The following ZDHHC2 variants were observed in gnomAD, a reference collection of about 807,000 sequenced individuals.
ZDHHC2 encodes zDHHC palmitoyltransferase 2, also known as palmitoyltransferase ZDHHC2.
Under a neutral mutation model 55.6 loss-of-function variants are expected in ZDHHC2, and 51 were observed. The observed-to-expected ratio is 0.92, with a 90% CI of 0.73 to 1.16. The LOEUF is 1.16. Ranked by LOEUF, ZDHHC2 falls within the 50% of genes most tolerant of loss-of-function variation. The pLI is 0.00. For missense variants in ZDHHC2, 491 were observed against 442.4 expected (o/e 1.11, Z -0.99); for synonymous variants, 199 against 152.9 (o/e 1.30, Z -2.22).
intron 6 of ZDHHC2, among the ~76,000 whole-genome samples, chr8:17,201,787 C>T (rs573090564): frequency 8.2e-4 from 125 of 151,908 alleles, no homozygotes; most frequent in South Asian, 1.9e-3. Context: ...TGAGCCAACG[C>T]GCCCGGCCAG....
At position 17,222,359 on chromosome 8, in the gene ZDHHC2, CTAAA is replaced by C. The variant is rs916006308; in HGVS notation, c.*2145_*2148del. 5.9e-5 allele frequency: 9 copies of C among 151,300 alleles called. No homozygotes were observed. Among genetic ancestry groups the C allele is most frequent in the Admixed American group, 1.3e-4 (2 of 15,168 alleles). 9.4% of individuals were successfully genotyped at this position (151,300 alleles called of 1,614,324 possible). On this transcript the variant is annotated 3_prime_UTR_variant, in exon 13 of 13. Coordinates refer to ENST00000262096, the MANE Select transcript of ZDHHC2 (RefSeq NM_016353.5). ...TAAATTTATCTGAGTGAACAAAGTGCTAAATAAATAGATCTACATTTTGTACATA... is the reference window on the plus strand; with the variant it reads ...TAAATTTATCTGAGTGAACAAAGTGCTAAATAGATCTACATTTTGTACATA...
At chr8:17,170,213 A>G (rs1048759879) in intron 1 of ZDHHC2, among the ~76,000 whole-genome samples, 1 of 152,230 alleles carries the variant, frequency 6.6e-6, no homozygotes, top group Non-Finnish European at 1.5e-5. Context: ...GTGAAGTTAC[A>G]GAAGAAAATA....
At chr8:17,216,670 T>G (rs1456886172) in intron 11 of ZDHHC2, among the ~76,000 whole-genome samples, 1 of 152,194 alleles carries the variant, frequency 6.6e-6, no homozygotes, top group Non-Finnish European at 1.5e-5. Context: ...AAAATAGCAG[T>G]GGTTTCTTGA....
chr8:17,193,816 C>G (rs564478379), intron 3 of ZDHHC2, among the ~76,000 whole-genome samples: 1 of 152,186 alleles, frequency 6.6e-6, no homozygotes, highest in East Asian at 1.9e-4. Flanking sequence ...ATGTCCAGAA[C>G]GTGGAGGTTT....
At chr8:17,165,890 G>A (rs1048578520) in intron 1 of ZDHHC2, among the ~76,000 whole-genome samples, 3 of 152,154 alleles carry the variant, frequency 2.0e-5, no homozygotes, top group African/African-American at 4.8e-5. Flanking sequence ...ATATATCTCC[G>A]GCCAGGGGAG....
intron 1 of ZDHHC2, among the ~76,000 whole-genome samples, chr8:17,179,496 A>G (rs1805326116): frequency 6.6e-6 from 1 of 152,140 alleles, no homozygotes; most frequent in Non-Finnish European, 1.5e-5. Flanking sequence ...GCAGCCTTGA[A>G]CTACTGGGCT....
At chr8:17,168,699 G>A (rs142591570) in intron 1 of ZDHHC2, among the ~76,000 whole-genome samples, 70 of 151,368 alleles carry the variant, frequency 4.6e-4, no homozygotes, top group African/African-American at 1.7e-3. Context: ...TTCTGCCTCC[G>A]TGAGTCCAAC....
chr8:17,180,738 G>T (rs1274810579), intron 1 of ZDHHC2, among the ~76,000 whole-genome samples: 1 of 152,176 alleles, frequency 6.6e-6, no homozygotes, highest in African/African-American at 2.4e-5. Flanking sequence ...GCCAGCAAGT[G>T]GCAGAGGCAG....
intron 8 of ZDHHC2, among the ~76,000 whole-genome samples, chr8:17,209,230 A>G (rs987000382): frequency 5.9e-5 from 9 of 152,178 alleles, no homozygotes; most frequent in Non-Finnish European, 1.3e-4. Context: ...ACCAGATGCA[A>G]TACATGGTTC....
chr8:17,201,033 A>G (rs1473780873), intron 6 of ZDHHC2, among the ~76,000 whole-genome samples: 3 of 152,234 alleles, frequency 2.0e-5, no homozygotes, highest in Non-Finnish European at 2.9e-5. Flanking sequence ...TGCCAGCTGA[A>G]TGGAGCAGCC....
At chr8:17,160,495 T>C (rs1356823830) in intron 1 of ZDHHC2, among the ~76,000 whole-genome samples, 1 of 152,202 alleles carries the variant, frequency 6.6e-6, no homozygotes, top group East Asian at 1.9e-4. Context: ...AATTCCAGAG[T>C]TGCCACAAGT....
chr8:17,196,554 T>C (rs1806320815), intron 4 of ZDHHC2, among the ~76,000 whole-genome samples: 1 of 147,250 alleles, frequency 6.8e-6, no homozygotes, highest in African/African-American at 2.5e-5. Flanking sequence ...ACCCTGTCTC[T>C]AAAAAATAAA....
chr8:17,217,285 A>C (rs1395411173), intron 12 of ZDHHC2, 39 bp downstream of exon 12: 2 of 1,433,448 alleles, frequency 1.4e-6, no homozygotes, highest in Middle Eastern at 2.4e-4. Context: ...TATTTTTAAC[A>C]GTCTTCTAAT....
At chr8:17,174,097 T>TC (rs1554458849) in intron 1 of ZDHHC2, among the ~76,000 whole-genome samples, 1 of 139,392 alleles carries the variant, frequency 7.2e-6, no homozygotes, top group Non-Finnish European at 1.6e-5. Flanking sequence ...CTTCTTCTTC[T>TC]TTTTTTTTTT....
chr8:17,190,824 C>T (rs1485317073), intron 3 of ZDHHC2, among the ~76,000 whole-genome samples: 1 of 151,860 alleles, frequency 6.6e-6, no homozygotes, highest in African/African-American at 2.4e-5. Flanking sequence ...GTATCAGTTA[C>T]CACAAGCATT....
intron 6 of ZDHHC2, among the ~76,000 whole-genome samples, chr8:17,202,327 AT>A (rs1223799943): frequency 6.6e-6 from 1 of 151,810 alleles, no homozygotes. Flanking sequence ...TATTTGTCTC[AT>A]TTTACAGGGG....
intron 1 of ZDHHC2, among the ~76,000 whole-genome samples, chr8:17,163,278 A>T (rs1804441905): frequency 1.3e-5 from 2 of 152,162 alleles, no homozygotes; most frequent in South Asian, 4.1e-4. Context: ...CAGCCTGGTA[A>T]CAGCGGGTCC....
chr8:17,203,028 C>T (rs936945679), intron 6 of ZDHHC2, among the ~76,000 whole-genome samples: 8 of 150,448 alleles, frequency 5.3e-5, no homozygotes, highest in African/African-American at 1.5e-4. Flanking sequence ...CTTCCTAGTC[C>T]ACAAGTCATT....
At chr8:17,169,692 A>C (rs149490386) in intron 1 of ZDHHC2, among the ~76,000 whole-genome samples, 45 of 152,296 alleles carry the variant, frequency 3.0e-4, no homozygotes, top group African/African-American at 9.6e-4. Context: ...TGTTTTGCCC[A>C]AAGATCCAGA....
Sources: gnomAD v4.1 joint callset for allele counts (sites outside exome capture counted in the v4.1 genomes callset) on GRCh38, gnomAD v4.1.1 for gene constraint, MANE v1.5 for transcripts, NCBI Gene and HGNC (gene_info 2026-07-23, HGNC 2026-07-21) for gene names.